Variants in MEP1A observed in about 807,000 individuals in gnomAD.
MEP1A encodes the protein N-benzoyl-L-tyrosyl-P-amino-benzoic acid hydrolase subunit alpha.
MEP1A carries 68 observed loss-of-function variants against 84.5 expected under a neutral mutation model. The ratio of observed to expected loss-of-function variants is 0.80; its 90% CI spans 0.66 to 0.98. The LOEUF (loss-of-function observed/expected upper bound fraction) is 0.98. MEP1A is among the 50% of genes least tolerant of loss of function. The probability of loss-of-function intolerance (pLI) is 0.00; values close to 1 mark genes in which losing one functional copy is unlikely to be tolerated. For missense variants in MEP1A, 887 were observed against 919.9 expected (o/e 0.96, Z 0.46); for synonymous variants, 337 against 336.8 (o/e 1.00, Z -0.01).
intron 6 of MEP1A, among the ~76,000 whole-genome samples, chr6:46,814,736 G>T (rs1171907864): frequency 6.6e-6 from 1 of 152,144 alleles, no homozygotes; most frequent in Non-Finnish European, 1.5e-5. Flanking sequence ...GTCCCACAGG[G>T]TGCTCCCTTG....
At chr6:46,797,114 A>G (rs1226900587) in intron 3 of MEP1A, among the ~76,000 whole-genome samples, 1 of 152,184 alleles carries the variant, frequency 6.6e-6, no homozygotes, top group Non-Finnish European at 1.5e-5. Context: ...GCTAATACCT[A>G]ACACCTCCTT....
At chr6:46,797,101 C>G (rs551058743) in intron 3 of MEP1A, among the ~76,000 whole-genome samples, 1 of 152,306 alleles carries the variant, frequency 6.6e-6, no homozygotes, top group Non-Finnish European at 1.5e-5. Flanking sequence ...AATCATGATG[C>G]CTGCTAATAC....
Position 46,839,069 on chromosome 6 carries a change from G to C in MEP1A, c.2174G>C (p.Gly725Ala), listed in dbSNP as rs917809605. 1.2e-6 allele frequency: 2 copies of C among 1,613,678 alleles called. No homozygotes were observed. The highest frequency in any genetic ancestry group is 2.7e-5 in the African/African-American group (2 of 74,918). The part of the protein sequence containing the change: ...HGSVLGMVIG[G>A]TAGVIFLTFS... Reference sequence around the variant, plus strand: ...AGTGTCCTGGGCATGGTGATCGGAGGCACGGCTGGCGTGATCTTCTTGACC... The same window carrying C: ...AGTGTCCTGGGCATGGTGATCGGAGCCACGGCTGGCGTGATCTTCTTGACC... The change falls in exon 14 of 14, where the codon GGC becomes GCC. Residue 725 changes from glycine to alanine, a missense_variant. Coordinates refer to ENST00000230588, the MANE Select transcript of MEP1A (RefSeq NM_005588.3).
chr6:46,795,448 C>A (rs1767030152), intron 3 of MEP1A, among the ~76,000 whole-genome samples: 1 of 151,954 alleles, frequency 6.6e-6, no homozygotes. Flanking sequence ...TTATAGGTGC[C>A]CACCACCATG....
intron 5 of MEP1A, among the ~76,000 whole-genome samples, chr6:46,806,677 A>G (rs1229043701): frequency 6.6e-6 from 1 of 151,970 alleles, no homozygotes; most frequent in Non-Finnish European, 1.5e-5. Flanking sequence ...TTGAAGGGGC[A>G]CTTATATACA....
chr6:46,844,901 G>T, the MEP1A span, among the ~76,000 whole-genome samples: 1 of 150,126 alleles, frequency 6.7e-6, no homozygotes, highest in South Asian at 2.1e-4. Context: ...GATCATGGGG[G>T]TGGTTTCCCC....
In MEP1A at chr6:46,839,661, G is replaced by T. The variant is rs1472254212; in HGVS notation, c.*525G>T. On this transcript the variant is annotated 3_prime_UTR_variant, in exon 14 of 14. Transcript: ENST00000230588. ...TACAGTAGTGTCATCACTCTTTTAA[G>T]ATCTTGTTAAAGATTTCAAATAAAG... is the stretch of plus-strand genomic sequence containing the variant. 1.3e-5 allele frequency: 2 copies of T among 152,120 alleles called. No homozygotes were observed. Among genetic ancestry groups the T allele is most frequent in the Non-Finnish European group, 2.9e-5 (2 of 68,028 alleles). 9.4% of individuals were successfully genotyped at this position (152,120 alleles called of 1,614,324 possible).
At chr6:46,801,433 G>C (rs1241452058) in intron 5 of MEP1A, among the ~76,000 whole-genome samples, 2 of 152,036 alleles carry the variant, frequency 1.3e-5, no homozygotes, top group Non-Finnish European at 2.9e-5. Context: ...ACGAGGGTCT[G>C]TCCAACTCCT....
intron 7 of MEP1A, among the ~76,000 whole-genome samples, chr6:46,822,012 A>G (rs559488959): frequency 6.6e-6 from 1 of 152,356 alleles, no homozygotes; most frequent in African/African-American, 2.4e-5. Flanking sequence ...CTGTACTGGC[A>G]ATGTAATTCT....
intron 3 of MEP1A, among the ~76,000 whole-genome samples, chr6:46,794,025 G>C (rs529450134): frequency 3.9e-5 from 6 of 152,034 alleles, no homozygotes; most frequent in Non-Finnish European, 5.9e-5. Context: ...TAATTATTCC[G>C]ATTGTTAAAG....
At chr6:46,842,639 C>G (rs144452923), downstream of MEP1A, among the ~76,000 whole-genome samples, 1,519 of 152,212 alleles carry the variant, frequency 1.0e-2, 28 homozygotes, top group African/African-American at 0.035. Context: ...GACATAGACC[C>G]TCATCAGTAA....
At chr6:46,826,180 T>C (rs1418989606) in intron 8 of MEP1A, among the ~76,000 whole-genome samples, 174 bp from the exon 9 acceptor site, 4 of 152,208 alleles carry the variant, frequency 2.6e-5, no homozygotes, top group African/African-American at 4.8e-5. Context: ...TGTGTCTATA[T>C]ATTAGCAAGT....
chr6:46,804,295 T>A (rs961490279), intron 5 of MEP1A, among the ~76,000 whole-genome samples: 14 of 151,696 alleles, frequency 9.2e-5, no homozygotes, highest in Non-Finnish European at 1.8e-4. Flanking sequence ...AGAATTTCGG[T>A]TTATAGTAGT....
At chr6:46,844,808 G>T in the MEP1A span, among the ~76,000 whole-genome samples, 1 of 152,134 alleles carries the variant, frequency 6.6e-6, no homozygotes, top group Non-Finnish European at 1.5e-5. Flanking sequence ...GGGTGATATG[G>T]TTTGTCTCTG....
chr6:46,823,502 C>T (rs1767831179), intron 7 of MEP1A, among the ~76,000 whole-genome samples: 1 of 152,196 alleles, frequency 6.6e-6, no homozygotes, highest in Non-Finnish European at 1.5e-5. Context: ...ATCCCAGCTA[C>T]TCAGGAGGCT....
intron 4 of MEP1A, 33 bp downstream of exon 4, chr6:46,798,679 C>T (rs199772713): frequency 1.9e-6 from 3 of 1,594,924 alleles, no homozygotes; most frequent in African/African-American, 1.3e-5. Flanking sequence ...ATAAGTTTCT[C>T]AGGACAGGCA....
intron 7 of MEP1A, 113 bp from the exon 8 acceptor site, chr6:46,825,132 GTATTTAAATAAATCTATTTAATATATA>G: frequency 9.8e-6 from 2 of 203,610 alleles, no homozygotes; most frequent in South Asian, 3.8e-4. Flanking sequence ...TATAAATTAT[GTATTTAAATAAATCTATTTAATATATA>G]TATTTAAATA....
At chr6:46,796,930 G>A (rs945593833) in intron 3 of MEP1A, among the ~76,000 whole-genome samples, 1 of 152,238 alleles carries the variant, frequency 6.6e-6, no homozygotes, top group Admixed American at 6.5e-5. Context: ...TTCAAATCTG[G>A]GTCCTACTGA....
At chr6:46,834,437 A>T (rs1581689709) in intron 11 of MEP1A, 141 bp from the exon 12 acceptor site, 1 of 13,174 alleles carries the variant, frequency 7.6e-5, no homozygotes, top group Non-Finnish European at 1.5e-4. Context: ...TTATTTTTAT[A>T]TTTATTTATT....
Sources: allele counts gnomAD v4.1 joint callset (sites outside exome capture counted in the v4.1 genomes callset), GRCh38; gene constraint gnomAD v4.1.1; transcripts MANE v1.5; gene names NCBI Gene and HGNC (gene_info 2026-07-23, HGNC 2026-07-21).